THAP8: variants seen among roughly 807,000 people sequenced by gnomAD.
THAP8 encodes THAP domain-containing protein 8.
A neutral mutation model predicts 25.0 loss-of-function variants in THAP8; 24 were observed. The observed-to-expected ratio is 0.96, with a 90% CI of 0.69 to 1.35. The LOEUF is 1.35. Among genes scored for constraint, THAP8 ranks in the 40% most tolerant of loss-of-function variants. THAP8 has a pLI of 0.00. For synonymous variants in THAP8, 169 were observed against 157.6 expected (o/e 1.07, Z -0.54); for missense variants, 399 against 368.8 (o/e 1.08, Z -0.67).
chr19:36,049,027 C>T (rs991867788), intron 1 of THAP8, among the ~76,000 whole-genome samples: 10 of 151,710 alleles, frequency 6.6e-5, no homozygotes, highest in Admixed American at 5.9e-4. Flanking sequence ...TGATAGGTCC[C>T]CCATAAGAGA....
Position 36,039,705 on chromosome 19 carries a change from G to A in THAP8, c.290C>T (p.Thr97Ile), listed in dbSNP as rs1969617324. Residue 97 changes from threonine (T) to isoleucine (I), a missense_variant, in exon 3 of 4, where the codon ACC (threonine) becomes ATC (isoleucine). Physicochemically the swap from Thr to Ile is moderately conservative, Grantham distance 89. Coordinates refer to ENST00000292894, the MANE Select transcript of THAP8 (RefSeq NM_152658.3). Reference sequence around the variant, plus strand: ...CGAGACTGGCTTCTGGGTGCTTCGGGTCCTCCGCTGACTCTGGAAGACAAG... The same window carrying A: ...CGAGACTGGCTTCTGGGTGCTTCGGATCCTCCGCTGACTCTGGAAGACAAG... Reference protein sequence around the residue: ...RGPPAKSQRRTRSTQKPVSPP... With the variant: ...RGPPAKSQRRIRSTQKPVSPP... The A allele has an allele frequency of 6.6e-7, 1 of 1,520,690 alleles. No individual in the cohort carries two copies. The highest frequency in any genetic ancestry group is 1.3e-5 in the South Asian group (1 of 78,396). The allele number at this position is 1,520,690 out of a possible 1,614,324, so 94.2% of individuals were successfully genotyped here.
At chr19:36,040,275 GCTTTCTCTATC>G in intron 1 of THAP8, 139 bp from the exon 2 acceptor site, 1 of 829,918 alleles carries the variant, frequency 1.2e-6, no homozygotes, top group South Asian at 2.0e-5. Context: ...TTGTGCCCAG[GCTTTCTCTATC>G]TCATACACAC....
At chr19:36,043,508 T>C (rs1430981020) in intron 1 of THAP8, among the ~76,000 whole-genome samples, 1 of 152,180 alleles carries the variant, frequency 6.6e-6, no homozygotes, top group East Asian at 1.9e-4. Context: ...CACTTAATGA[T>C]CAAAATTGTA....
At chr19:36,046,878 C>A (rs1037797904) in intron 1 of THAP8, among the ~76,000 whole-genome samples, 5 of 152,114 alleles carry the variant, frequency 3.3e-5, no homozygotes, top group African/African-American at 9.7e-5. Flanking sequence ...TACCTTCTGG[C>A]CAAGGAATGC....
At chr19:36,044,863 G>C (rs1387295576) in intron 1 of THAP8, among the ~76,000 whole-genome samples, 1 of 152,168 alleles carries the variant, frequency 6.6e-6, no homozygotes, top group East Asian at 1.9e-4. Context: ...CTACAGGAGA[G>C]AGGGTAAACA....
At chr19:36,050,841 C>T (rs1317718425) in intron 1 of THAP8, among the ~76,000 whole-genome samples, 2 of 152,148 alleles carry the variant, frequency 1.3e-5, no homozygotes, top group Admixed American at 6.5e-5. Context: ...TCAAAGGATC[C>T]GTGACACATG....
At chr19:36,048,593 G>C (rs1969952492) in intron 1 of THAP8, among the ~76,000 whole-genome samples, 1 of 151,944 alleles carries the variant, frequency 6.6e-6, no homozygotes. Context: ...TCAAACTCCT[G>C]ACCTCAGGTG....
chr19:36,035,278 A>G lies in THAP8; in HGVS notation c.*162T>C, dbSNP rs1292793654. 2 of 906,102 alleles carry G rather than the reference A, an allele frequency of 2.2e-6. No homozygotes were observed. Among genetic ancestry groups the G allele is most frequent in the East Asian group, 5.5e-5 (2 of 36,650 alleles). The allele number at this position is 906,102 out of a possible 1,614,324, so 56.1% of individuals were successfully genotyped here. A position where few individuals can be genotyped will look rare whatever the true frequency, so the allele number is the denominator to read the frequency against. ...GAGACTTGGGCCCAGGTCACCCCTA[A>G]GGTTCAAGAGATCCCTAGGAGTGGG... On this transcript the variant is annotated 3_prime_UTR_variant, in exon 4 of 4. Transcript: ENST00000292894.
chr19:36,039,170 C>T (rs1969587231), intron 3 of THAP8, among the ~76,000 whole-genome samples, 153 bp downstream of exon 3: 1 of 152,260 alleles, frequency 6.6e-6, no homozygotes, highest in South Asian at 2.1e-4. Context: ...GTTGGGATTA[C>T]AGGCGTGAGC....
intron 3 of THAP8, among the ~76,000 whole-genome samples, chr19:36,037,845 G>A (rs1969531869): frequency 6.6e-6 from 1 of 151,942 alleles, no homozygotes; most frequent in South Asian, 2.1e-4. Context: ...TCACCATGTT[G>A]GCCAGGCTGG....
intron 1 of THAP8, among the ~76,000 whole-genome samples, chr19:36,052,827 T>C (rs995569688): frequency 1.3e-5 from 2 of 152,246 alleles, no homozygotes; most frequent in East Asian, 3.8e-4. Context: ...AAGTTTGTGA[T>C]CATCTCTGAC....
intron 1 of THAP8, among the ~76,000 whole-genome samples, chr19:36,040,636 A>C (rs113952421): frequency 7.0e-4 from 106 of 152,016 alleles, no homozygotes; most frequent in African/African-American, 2.1e-3. Context: ...ATTTCTTCTT[A>C]TTATTATTAA....
At chr19:36,053,192 G>A (rs914402941) in intron 1 of THAP8, among the ~76,000 whole-genome samples, 4 of 151,620 alleles carry the variant, frequency 2.6e-5, no homozygotes, top group Admixed American at 6.6e-5. Context: ...CTCAGCCCAC[G>A]GAGTAGCTGG....
intron 1 of THAP8, among the ~76,000 whole-genome samples, chr19:36,050,365 A>G (rs1239350110): frequency 6.6e-6 from 1 of 152,094 alleles, no homozygotes; most frequent in Non-Finnish European, 1.5e-5. Context: ...GCTGGTCTCA[A>G]ATTGCTGGGC....
chr19:36,039,935 A>C lies in THAP8; in HGVS notation c.276+9T>G. On this transcript the variant is annotated intron_variant, in intron 2 of 3. Coordinates refer to ENST00000292894, the MANE Select transcript of THAP8 (RefSeq NM_152658.3). ...TTGGATTCCAGCAGCAGGACCTCCC[A>C]GCGCTCACCTTGGCAGGTGGTCCCC... 1 of 1,612,392 alleles carries C rather than the reference A, an allele frequency of 6.2e-7. No homozygotes were observed. Among genetic ancestry groups the C allele is most frequent in the Non-Finnish European group, 8.5e-7 (1 of 1,179,750 alleles).
chr19:36,039,963 G>A lies in THAP8; in HGVS notation c.257C>T (p.Ser86Phe), dbSNP rs781289538. The A allele has an allele frequency of 8.1e-6, 13 of 1,613,150 alleles. No individual in the cohort carries two copies. Among genetic ancestry groups the A allele is most frequent in the Non-Finnish European group, 1.1e-5 (13 of 1,179,942 alleles). Reference sequence around the variant, plus strand: ...GCTCACCTTGGCAGGTGGTCCCCGGGAGAAGATGGAGGGCACTGCATCAGG... The same window carrying A: ...GCTCACCTTGGCAGGTGGTCCCCGGAAGAAGATGGAGGGCACTGCATCAGG... ...LRPDAVPSIFSRGPPAKSQRR... is the reference protein window; with the variant it reads ...LRPDAVPSIFFRGPPAKSQRR... Residue 86 changes from serine (S) to phenylalanine (F), a missense_variant, in exon 2 of 4, where the codon TCC becomes TTC. Transcript: ENST00000292894.
intron 3 of THAP8, among the ~76,000 whole-genome samples, chr19:36,037,299 T>TACACACAC (rs376932776): frequency 1.5e-5 from 1 of 67,720 alleles, no homozygotes; most frequent in East Asian, 5.6e-4. Flanking sequence ...CTTCCTCCCC[T>TACACACAC]ACACACACAC....
chr19:36,040,633 CTTA>C (rs1412140883), intron 1 of THAP8, among the ~76,000 whole-genome samples: 1 of 151,924 alleles, frequency 6.6e-6, no homozygotes, highest in Non-Finnish European at 1.5e-5. Flanking sequence ...GGCATTTCTT[CTTA>C]TTATTATTAA....
chr19:36,054,337 C>T (rs1440146727), upstream of THAP8: 14 of 1,219,276 alleles, frequency 1.1e-5, no homozygotes, highest in Non-Finnish European at 1.6e-5. Flanking sequence ...TCCGTGGAGT[C>T]TCGTCACGTA....
Sources: allele counts gnomAD v4.1 joint callset (sites outside exome capture counted in the v4.1 genomes callset), GRCh38; gene constraint gnomAD v4.1.1; transcripts MANE v1.5; gene names NCBI Gene and HGNC (gene_info 2026-07-23, HGNC 2026-07-21).